Variants in EPHA7 observed in about 807,000 individuals in gnomAD.
EPHA7 encodes ephrin type-A receptor 7.
A neutral mutation model predicts 112.6 loss-of-function variants in EPHA7; 25 were observed. The observed-to-expected ratio is 0.22, with a 90% CI of 0.16 to 0.31. EPHA7 has a LOEUF of 0.31. EPHA7 is among the 10% of genes least tolerant of loss of function. The pLI is 1.00. For synonymous variants in EPHA7, 437 were observed against 406.5 expected, an observed-to-expected ratio of 1.07 and a Z score of -0.90; for missense variants, 962 against 1,212.6, an observed-to-expected ratio of 0.79 and a Z score of 3.07.
At chr6:93,269,256 G>A (rs564825401) in intron 7 of EPHA7, among the ~76,000 whole-genome samples, 16 of 151,652 alleles carry the variant, frequency 1.1e-4, no homozygotes, top group Admixed American at 7.3e-4. Flanking sequence ...TCTTGTATGC[G>A]TTAAAGAAAC....
At chr6:93,316,616 C>T (rs1032720673) in intron 5 of EPHA7, among the ~76,000 whole-genome samples, 2 of 152,054 alleles carry the variant, frequency 1.3e-5, no homozygotes, top group Admixed American at 6.5e-5. Flanking sequence ...ATCTGATATG[C>T]AATAAATTAT....
At chr6:93,252,439 A>G (rs1770257640) in intron 14 of EPHA7, among the ~76,000 whole-genome samples, 1 of 151,910 alleles carries the variant, frequency 6.6e-6, no homozygotes, top group Non-Finnish European at 1.5e-5. Flanking sequence ...CCCAGAAAAA[A>G]AAATAATATA....
At chr6:93,306,306 C>T (rs1773256160) in intron 5 of EPHA7, among the ~76,000 whole-genome samples, 1 of 151,902 alleles carries the variant, frequency 6.6e-6, no homozygotes, top group South Asian at 2.1e-4. Flanking sequence ...ATAATGTTAG[C>T]TTCTGTTGGG....
intron 9 of EPHA7, among the ~76,000 whole-genome samples, chr6:93,260,261 A>G (rs2127861600): frequency 6.6e-6 from 1 of 152,046 alleles, no homozygotes; most frequent in Non-Finnish European, 1.5e-5. Flanking sequence ...AATATGCCTC[A>G]CAAAAGGTAG....
At chr6:93,293,695 C>G (rs57328391) in intron 5 of EPHA7, among the ~76,000 whole-genome samples, 1 of 152,070 alleles carries the variant, frequency 6.6e-6, no homozygotes, top group Non-Finnish European at 1.5e-5. Flanking sequence ...GATGCTAACT[C>G]GATACTTACA....
rs954614070 is a variant in EPHA7, at chr6:93,269,543, A to T, written c.1567T>A (p.Tyr523Asn). The change falls in exon 7 of 17, where the codon TAT (tyrosine) becomes AAT (asparagine). Residue 523 changes from tyrosine (Y) to asparagine (N), a missense_variant. Coordinates refer to ENST00000369303, the MANE Select transcript of EPHA7 (RefSeq NM_004440.4). ...TCAAGTCTGGGACTGTAATTTCCAT[A>T]ACCAGCAGCAGTAAAAGCCCGAATC... Reference protein sequence around the residue: ...FQIRAFTAAGYGNYSPRLDVA... With the variant: ...FQIRAFTAAGNGNYSPRLDVA... 3 of 1,611,080 alleles carry T rather than the reference A, an allele frequency of 1.9e-6. No individual in the cohort carries two copies. In the Admixed American group the frequency reaches 5.0e-5, roughly 27 times the overall value.
At chr6:93,403,471 G>T (rs986777219) in intron 3 of EPHA7, among the ~76,000 whole-genome samples, 8 of 151,842 alleles carry the variant, frequency 5.3e-5, no homozygotes, top group African/African-American at 1.7e-4. Context: ...AAAGGGCAAA[G>T]TTTAAGTACT....
intron 5 of EPHA7, among the ~76,000 whole-genome samples, chr6:93,310,682 G>C (rs937417883): frequency 1.3e-5 from 2 of 151,550 alleles, no homozygotes; most frequent in African/African-American, 2.4e-5. Flanking sequence ...AAAAAGTTAC[G>C]TTTACATTAA....
At chr6:93,253,857 G>T (rs1770322444) in intron 14 of EPHA7, among the ~76,000 whole-genome samples, 1 of 151,884 alleles carries the variant, frequency 6.6e-6, no homozygotes, top group Non-Finnish European at 1.5e-5. Context: ...TATTTCAATA[G>T]GTTGAACTAT....
chr6:93,397,027 G>A (rs1441683534), intron 3 of EPHA7, among the ~76,000 whole-genome samples: 1 of 151,262 alleles, frequency 6.6e-6, no homozygotes, highest in Non-Finnish European at 1.5e-5. Context: ...TTAAAATTGA[G>A]AACATTATCA....
intron 14 of EPHA7, among the ~76,000 whole-genome samples, chr6:93,250,830 C>A (rs1770176232): frequency 6.6e-6 from 1 of 152,054 alleles, no homozygotes; most frequent in South Asian, 2.1e-4. Flanking sequence ...CCCAGAGGAA[C>A]CAGAAGTGAT....
intron 5 of EPHA7, among the ~76,000 whole-genome samples, chr6:93,297,562 T>A (rs1772736473): frequency 6.6e-6 from 1 of 152,138 alleles, no homozygotes; most frequent in Non-Finnish European, 1.5e-5. Context: ...AGTTCTACTA[T>A]CCCTGAGGTG....
At chr6:93,354,616 C>A in intron 5 of EPHA7, among the ~76,000 whole-genome samples, 3 of 145,696 alleles carry the variant, frequency 2.1e-5, no homozygotes, top group African/African-American at 2.5e-5. Flanking sequence ...TTAAATCAAC[C>A]TCCCCCACAA....
Position 93,241,813 on chromosome 6 carries a change from G to A in EPHA7, c.*1613C>T, listed in dbSNP as rs1364122067. ...TATTCAGAGCCCACTACAGAGAAAT[G>A]TGTGTACAAAACAAGACAGTATAAA... On this transcript the variant is annotated 3_prime_UTR_variant, in exon 17 of 17. Coordinates refer to ENST00000369303, the MANE Select transcript of EPHA7 (RefSeq NM_004440.4). 2.3e-5 allele frequency: 5 copies of A among 219,204 alleles called. No homozygotes were observed. The highest frequency in any genetic ancestry group is 4.6e-5 in the Non-Finnish European group (5 of 109,042). 13.6% of individuals were successfully genotyped at this position (219,204 alleles called of 1,614,324 possible).
chr6:93,247,820 G>A (rs1031578213), intron 14 of EPHA7, among the ~76,000 whole-genome samples: 2 of 152,054 alleles, frequency 1.3e-5, no homozygotes, highest in African/African-American at 2.4e-5. Context: ...CTAAAAAACT[G>A]TTTATATGAA....
chr6:93,385,326 T>TA (rs1777545989), intron 3 of EPHA7, among the ~76,000 whole-genome samples: 4 of 152,106 alleles, frequency 2.6e-5, no homozygotes, highest in Admixed American at 2.6e-4. Flanking sequence ...TATTATGTAA[T>TA]ACAGTGTGTC....
chr6:93,319,040 T>C (rs1305210185), intron 5 of EPHA7, among the ~76,000 whole-genome samples: 2 of 152,114 alleles, frequency 1.3e-5, no homozygotes, highest in East Asian at 3.9e-4. Context: ...CAAATATTTA[T>C]TAAGGGCCTC....
Position 93,397,472 on chromosome 6 carries a change from A to T in EPHA7, c.832+13029T>A, listed in dbSNP as rs77822450. On this transcript the variant is annotated intron_variant, in intron 3 of 16. Coordinates refer to ENST00000369303, the MANE Select transcript of EPHA7 (RefSeq NM_004440.4). ...AATATGGTCCTAAAACTCTAAATTA[A>T]TCTTAATTATATGAATTCTGAAGAA... Among the ~76,000 whole-genome samples, 1,169 of 152,004 alleles carry T rather than the reference A, an allele frequency of 7.7e-3. 18 individuals carry two copies. Among genetic ancestry groups the T allele is most frequent in the African/African-American group, 0.025 (1,032 of 41,530 alleles).
intron 5 of EPHA7, among the ~76,000 whole-genome samples, chr6:93,279,905 C>A (rs1771648656): frequency 6.6e-6 from 1 of 152,068 alleles, no homozygotes; most frequent in African/African-American, 2.4e-5. Context: ...TTTAAAAGTA[C>A]GCTAGCATTA....
Sources: gnomAD v4.1 joint callset for allele counts (sites outside exome capture counted in the v4.1 genomes callset) on GRCh38, gnomAD v4.1.1 for gene constraint, MANE v1.5 for transcripts, NCBI Gene and HGNC (gene_info 2026-07-23, HGNC 2026-07-21) for gene names.